The following HS6ST3 variants were observed in gnomAD, a reference collection of about 807,000 sequenced individuals.
HS6ST3 encodes heparan sulfate 6-O-sulfotransferase 3, also known as heparan-sulfate 6-O-sulfotransferase 3.
In HS6ST3, 12 loss-of-function variants were observed where a neutral mutation model predicts 36.7. The observed-to-expected ratio is 0.33, with a 90% CI of 0.21 to 0.53. HS6ST3 has a LOEUF of 0.53. Among genes scored for constraint, HS6ST3 ranks in the 20% least tolerant of loss-of-function variants. The probability of loss-of-function intolerance (pLI) is 0.95; values close to 1 mark genes in which losing one functional copy is unlikely to be tolerated. For missense variants in HS6ST3, 584 were observed against 640.9 expected (o/e 0.91, Z 0.96); for synonymous variants, 240 against 257.5 (o/e 0.93, Z 0.65).
intron 1 of HS6ST3, among the ~76,000 whole-genome samples, chr13:96,760,667 A>G (rs1006949336): frequency 2.6e-5 from 4 of 152,232 alleles, no homozygotes; most frequent in African/African-American, 7.2e-5. Context: ...TCTTTACATC[A>G]TTAAATCATG....
chr13:96,330,758 G>C (rs969141377), intron 1 of HS6ST3, among the ~76,000 whole-genome samples: 1 of 150,706 alleles, frequency 6.6e-6, no homozygotes, highest in East Asian at 2.0e-4. Context: ...AGTTCTCCTG[G>C]ATAATATCCT....
At chr13:96,332,136 T>A (rs7139408) in intron 1 of HS6ST3, among the ~76,000 whole-genome samples, 3 of 151,964 alleles carry the variant, frequency 2.0e-5, no homozygotes, top group African/African-American at 2.4e-5. Context: ...AGAAATCACC[T>A]GTCTTCTGTG....
intron 1 of HS6ST3, among the ~76,000 whole-genome samples, chr13:96,593,174 C>CTTTTTTTTTTTTTTTTTT (rs35380296): frequency 2.1e-5 from 1 of 46,602 alleles, no homozygotes; most frequent in African/African-American, 9.4e-5. Context: ...TTCTTTCTTT[C>CTTTTTTTTTTTTTTTTTT]TTTTTTTTTT....
chr13:96,376,396 T>G (rs2055315125), intron 1 of HS6ST3, among the ~76,000 whole-genome samples: 1 of 152,198 alleles, frequency 6.6e-6, no homozygotes, highest in Non-Finnish European at 1.5e-5. Flanking sequence ...GTCTTTCATG[T>G]CAAACAGTCA....
In HS6ST3 at chr13:96,811,690, A is replaced by G. The variant is rs139913155; in HGVS notation, c.708-20800A>G. On this transcript the variant is annotated intron_variant, in intron 1 of 1. Coordinates refer to ENST00000376705, the MANE Select transcript of HS6ST3 (RefSeq NM_153456.4). Reference sequence around the variant, plus strand: ...AAACAAATTAGAAAGTTGAGCACATATAATAAATAACCATTTGTACCTACT... The same window carrying G: ...AAACAAATTAGAAAGTTGAGCACATGTAATAAATAACCATTTGTACCTACT... 2.7e-4 allele frequency among the ~76,000 whole-genome samples: 41 copies of G among 152,334 alleles called. No homozygotes were observed. In the East Asian group the frequency reaches 7.5e-3, roughly 28 times the overall value.
At chr13:96,672,090 T>A (rs590549) in intron 1 of HS6ST3, among the ~76,000 whole-genome samples, 6,788 of 152,238 alleles carry the variant, frequency 0.045, 230 homozygotes, top group Non-Finnish European at 0.07. Context: ...AATACCATGC[T>A]CAGACTGCTA....
chr13:96,818,544 A>G (rs554051792), intron 1 of HS6ST3, among the ~76,000 whole-genome samples: 1 of 152,336 alleles, frequency 6.6e-6, no homozygotes, highest in African/African-American at 2.4e-5. Flanking sequence ...CAAAAAGAGA[A>G]GCAAAAATGA....
intron 1 of HS6ST3, among the ~76,000 whole-genome samples, chr13:96,470,748 T>A (rs1265756528): frequency 6.6e-6 from 1 of 152,188 alleles, no homozygotes; most frequent in African/African-American, 2.4e-5. Flanking sequence ...CCATTGCCCT[T>A]TTTTGCTCAG....
chr13:96,726,682 C>A (rs1378652363), intron 1 of HS6ST3, among the ~76,000 whole-genome samples: 1 of 152,156 alleles, frequency 6.6e-6, no homozygotes, highest in Non-Finnish European at 1.5e-5. Context: ...TCCTGTATGG[C>A]AAACCATATT....
At chr13:96,347,328 G>A (rs1035136329) in intron 1 of HS6ST3, among the ~76,000 whole-genome samples, 2 of 152,162 alleles carry the variant, frequency 1.3e-5, no homozygotes, top group Admixed American at 6.5e-5. Context: ...ACAAAAGCAC[G>A]TTATGGTTGA....
chr13:96,198,313 G>A (rs1468697787), intron 1 of HS6ST3, among the ~76,000 whole-genome samples: 1 of 152,192 alleles, frequency 6.6e-6, no homozygotes, highest in Non-Finnish European at 1.5e-5. Flanking sequence ...GAAGGTCTCT[G>A]ATGTGGCCTG....
chr13:96,566,371 T>A (rs1043950477), intron 1 of HS6ST3, among the ~76,000 whole-genome samples: 2 of 152,108 alleles, frequency 1.3e-5, no homozygotes, highest in Admixed American at 1.3e-4. Flanking sequence ...GTAACATTAT[T>A]TTCAACTTGG....
chr13:96,231,449 C>A (rs115382892), intron 1 of HS6ST3, among the ~76,000 whole-genome samples: 1,769 of 152,162 alleles, frequency 0.012, 36 homozygotes, highest in African/African-American at 0.041. Context: ...CCTCAGGAAA[C>A]TTATAACTAT....
intron 1 of HS6ST3, among the ~76,000 whole-genome samples, chr13:96,595,296 C>T (rs1472524057): frequency 6.6e-6 from 1 of 152,174 alleles, no homozygotes; most frequent in Non-Finnish European, 1.5e-5. Flanking sequence ...ATACTCCTGT[C>T]TTGGCCTTGC....
chr13:96,822,215 G>A (rs1298229915), intron 1 of HS6ST3, among the ~76,000 whole-genome samples: 2 of 152,150 alleles, frequency 1.3e-5, no homozygotes, highest in Non-Finnish European at 2.9e-5. Flanking sequence ...GGCGGCTCCA[G>A]GCTTCAGGTG....
chr13:96,511,053 A>G (rs941699470), intron 1 of HS6ST3, among the ~76,000 whole-genome samples: 21 of 152,152 alleles, frequency 1.4e-4, no homozygotes, highest in Admixed American at 6.5e-5. Flanking sequence ...GCCTATTGAT[A>G]ATTACACCAG....
At chr13:96,562,881 G>T (rs909833815) in intron 1 of HS6ST3, among the ~76,000 whole-genome samples, 2 of 151,848 alleles carry the variant, frequency 1.3e-5, no homozygotes, top group African/African-American at 4.8e-5. Flanking sequence ...CTTTCTTTGT[G>T]GCTCACAGAA....
At chr13:96,771,670 A>G (rs1179080249) in intron 1 of HS6ST3, among the ~76,000 whole-genome samples, 1 of 152,196 alleles carries the variant, frequency 6.6e-6, no homozygotes, top group East Asian at 1.9e-4. Flanking sequence ...AGATTTTGGC[A>G]GCTTTGTCCT....
chr13:96,176,596 A>G (rs768141662), intron 1 of HS6ST3, among the ~76,000 whole-genome samples: 5 of 152,194 alleles, frequency 3.3e-5, no homozygotes, highest in Non-Finnish European at 7.4e-5. Context: ...ACCTGTCCAC[A>G]TACAAGAAAT....
Sources: allele counts gnomAD v4.1 joint callset (sites outside exome capture counted in the v4.1 genomes callset), GRCh38; gene constraint gnomAD v4.1.1; transcripts MANE v1.5; gene names NCBI Gene and HGNC (gene_info 2026-07-23, HGNC 2026-07-21).